Variants in UPRT observed in about 807,000 individuals in gnomAD.
UPRT encodes RP11-311P8.3.
UPRT carries 5 observed loss-of-function variants against 22.6 expected under a neutral mutation model. The ratio of observed to expected loss-of-function variants is 0.22; its 90% CI spans 0.12 to 0.47. The LOEUF (loss-of-function observed/expected upper bound fraction) is 0.47, where lower values mean the gene tolerates loss of function less well. UPRT is among the 20% of genes least tolerant of loss of function. UPRT has a pLI of 0.99. For synonymous variants in UPRT, 77 were observed against 87.7 expected (o/e 0.88, Z 0.68); for missense variants, 181 against 239.9 (o/e 0.75, Z 1.62).
chrX:75,239,434 T>C (rs1403583528), intron 4 of UPRT, among the ~76,000 whole-genome samples: 1 of 110,623 alleles, frequency 9.0e-6, no homozygotes, highest in Non-Finnish European at 1.9e-5. Flanking sequence ...CAATAATAAG[T>C]AGCAAGATTG....
chrX:75,221,782 G>A (rs1335782777), intron 4 of UPRT, among the ~76,000 whole-genome samples: 1 of 111,702 alleles, frequency 9.0e-6, no homozygotes, highest in Non-Finnish European at 1.9e-5. Flanking sequence ...CTTTCTGAAA[G>A]GTCACATTTA....
chrX:75,176,070 C>T (rs2082245616), intron 4 of UPRT, among the ~76,000 whole-genome samples: 1 of 111,307 alleles, frequency 9.0e-6, no homozygotes, highest in Non-Finnish European at 1.9e-5. Flanking sequence ...TTTCTTAAGG[C>T]CTCTCGTAGC....
intron 4 of UPRT, among the ~76,000 whole-genome samples, chrX:75,254,242 G>C: frequency 9.0e-6 from 1 of 111,636 alleles, no homozygotes. Flanking sequence ...AATCAGGAAT[G>C]CACCAGAGAA....
intron 4 of UPRT, among the ~76,000 whole-genome samples, chrX:75,190,191 A>G (rs2082310145): frequency 9.0e-6 from 1 of 111,722 alleles, no homozygotes; most frequent in Non-Finnish European, 1.9e-5. Flanking sequence ...AAAATCTCTC[A>G]GCATTTGCTT....
At chrX:75,252,760 C>G in intron 4 of UPRT, among the ~76,000 whole-genome samples, 1 of 112,057 alleles carries the variant, frequency 8.9e-6, no homozygotes, top group Admixed American at 9.5e-5. Flanking sequence ...TATTGTGGCA[C>G]TATTCACAAT....
At chrX:75,241,000 T>C (rs1289703079) in intron 4 of UPRT, among the ~76,000 whole-genome samples, 2 of 111,089 alleles carry the variant, frequency 1.8e-5, no homozygotes, top group African/African-American at 3.3e-5. Flanking sequence ...AGAAAAACTC[T>C]TCTAAACATT....
At chrX:75,170,637 C>A (rs1486105088) in intron 4 of UPRT, among the ~76,000 whole-genome samples, 5 of 111,202 alleles carry the variant, frequency 4.5e-5, no homozygotes, top group Non-Finnish European at 9.4e-5. Context: ...TACCTGAATA[C>A]CTTGTTTTTT....
At chrX:75,226,721 G>A (rs760451365) in intron 4 of UPRT, among the ~76,000 whole-genome samples, 15 of 109,699 alleles carry the variant, frequency 1.4e-4, no homozygotes, top group African/African-American at 5.0e-4. Context: ...CATCACTCTC[G>A]ATTCCCTTTC....
chrX:75,164,536 A>G (rs766856957), intron 3 of UPRT, among the ~76,000 whole-genome samples: 11 of 112,143 alleles, frequency 9.8e-5, no homozygotes, highest in African/African-American at 3.2e-4. Context: ...AATACCATAT[A>G]TGATTCCATT....
intron 4 of UPRT, among the ~76,000 whole-genome samples, chrX:75,238,345 A>G (rs933712195): frequency 8.9e-6 from 1 of 111,816 alleles, no homozygotes; most frequent in African/African-American, 3.2e-5. Context: ...TATATCAGAC[A>G]AAACAGACAT....
At chrX:75,279,170 T>C (rs1026034784) in intron 1 of UPRT, among the ~76,000 whole-genome samples, 2 of 111,136 alleles carry the variant, frequency 1.8e-5, no homozygotes, top group African/African-American at 6.5e-5. Context: ...ATTCGGGCTA[T>C]AGATATGGTG....
At chrX:75,191,149 GGGTTTTGGTGT>G (rs1482946232) in intron 4 of UPRT, among the ~76,000 whole-genome samples, 1 of 111,943 alleles carries the variant, frequency 8.9e-6, no homozygotes, top group Non-Finnish European at 1.9e-5. Flanking sequence ...CGTACAGATG[GGGTTTTGGTGT>G]GGATGTCCTT....
At chrX:75,256,979 A>T (rs1228633386) in intron 4 of UPRT, among the ~76,000 whole-genome samples, 2 of 112,084 alleles carry the variant, frequency 1.8e-5, no homozygotes, top group Non-Finnish European at 3.8e-5. Flanking sequence ...ACACTATTCC[A>T]CAAGATAGAG....
chrX:75,283,765 T>C (rs2082668749), intron 1 of UPRT, among the ~76,000 whole-genome samples: 1 of 111,484 alleles, frequency 9.0e-6, no homozygotes, highest in Admixed American at 9.5e-5. Flanking sequence ...CCGACGAAAA[T>C]GTGCCTAGGC....
At position 75,303,724 on chromosome X, in the gene UPRT, C is replaced by T. The variant is rs754550495; in HGVS notation, c.*213C>T. 1 of 274,180 alleles carries T rather than the reference C, an allele frequency of 3.6e-6. No homozygotes were observed. Among genetic ancestry groups the T allele is most frequent in the African/African-American group, 2.9e-5 (1 of 34,869 alleles). The allele number at this position is 274,180 out of a possible 1,213,427, so 22.6% of individuals were successfully genotyped here. ...TGAAGTATATGCAACTCTTACAAAACATAAATTTTAATAATATTCTAATGC... is the reference window on the plus strand; with the variant it reads ...TGAAGTATATGCAACTCTTACAAAATATAAATTTTAATAATATTCTAATGC... On this transcript the variant is annotated 3_prime_UTR_variant, in exon 7 of 7. Coordinates refer to ENST00000373383, the MANE Select transcript of UPRT (RefSeq NM_145052.4).
In UPRT at chrX:75,274,550, A is replaced by T. The variant is rs1449956721; in HGVS notation, c.296A>T (p.Asp99Val). Residue 99 changes from aspartate to valine, a missense_variant, in exon 1 of 7, where the codon GAC becomes GTC. Around this residue, in one of 2 missense-constraint regions of UPRT, gnomAD observed 111 missense variants for 102.8 expected, o/e 1.08. Coordinates refer to ENST00000373383, the MANE Select transcript of UPRT (RefSeq NM_145052.4). ...DAPAGNSFLE[D>V]CELSRQIGAQ... ...CCAGCTGGCAACTCCTTCCTAGAGG[A>T]CTGCGAACTCTCCCGGCAGATCGGG... 1 of 1,211,314 alleles carries T rather than the reference A, an allele frequency of 8.3e-7. No individual in the cohort carries two copies. The highest frequency in any genetic ancestry group is 1.1e-6 in the Non-Finnish European group (1 of 895,328).
intron 4 of UPRT, among the ~76,000 whole-genome samples, chrX:75,205,383 CAAAAAAAAA>C (rs55819232): frequency 7.9e-5 from 3 of 38,167 alleles, no homozygotes; most frequent in East Asian, 9.8e-4. Flanking sequence ...GACTCCGTCT[CAAAAAAAAA>C]AAAAAAAAAA....
rs368175855 is a variant in UPRT at position 75,173,549 on chromosome X, C to T, written c.-447+5670C>T. 4.2e-3 allele frequency among the ~76,000 whole-genome samples: 479 copies of T among 112,802 alleles called. 2 individuals are homozygous for T. The highest frequency in any genetic ancestry group is 0.015 in the African/African-American group (462 of 31,053). ...AGCTGGCTTCACCTAGTGGATCCTA[C>T]ACCGGGGCTGCAGGTGGAGCTGCCT... On this transcript the variant is annotated intron_variant, in intron 4 of 13. Coordinates refer to the UPRT transcript ENST00000652605.
rs773328120 is a variant in UPRT at position 75,262,919 on chromosome X, A to T, written c.-446-28105A>T. On this transcript the variant is annotated intron_variant, in intron 4 of 13. Transcript: ENST00000652605. ...AATGAGACAGAAAATGAACAAGGAG[A>T]TTCAGGACTTGAACTCAGCTCTGGA... Among the ~76,000 whole-genome samples, 13 of 111,334 alleles carry T rather than the reference A, an allele frequency of 1.2e-4. No homozygotes were observed. The East Asian group carries it at 3.1e-3, about 27-fold the overall frequency.
Sources: gnomAD v4.1 joint callset for allele counts (sites outside exome capture counted in the v4.1 genomes callset) on GRCh38, gnomAD v4.1.1 for gene constraint, gnomAD v4.1.1 regional missense constraint, MANE v1.5 for transcripts, NCBI Gene and HGNC (gene_info 2026-07-23, HGNC 2026-07-21) for gene names.